Variants in VPS35L observed in about 807,000 individuals in gnomAD.
VPS35L encodes the protein VPS35 endosomal protein-sorting factor-like.
A neutral mutation model predicts 133.0 loss-of-function variants in VPS35L; 83 were observed. That is an observed-to-expected ratio of 0.62 (90% CI 0.52 to 0.75). VPS35L has a LOEUF of 0.75. VPS35L is among the 30% of genes least tolerant of loss of function. VPS35L has a pLI of 0.00. For missense variants in VPS35L, 1,083 were observed against 1,206.8 expected (o/e 0.90, Z 1.52); for synonymous variants, 423 against 449.9 (o/e 0.94, Z 0.76).
rs35875567 is a variant in VPS35L, at chr16:19,591,552, C to CAA, written c.640-227_640-226dup. 1.2e-3 allele frequency among the ~76,000 whole-genome samples: 153 copies of CAA among 124,576 alleles called. No individual in the cohort carries two copies. In the Middle Eastern group the frequency reaches 0.017, roughly 14 times the overall value. 81.7% of individuals were successfully genotyped at this position (124,576 alleles called of 152,430 possible). ...GCAACATAGCGAGACCCCATCTCTA[C>CAA]AAAAAAAAAAAAGGAAGGGAAAACA... On this transcript the variant is annotated intron_variant, in intron 7 of 30. Coordinates refer to ENST00000417362, the MANE Select transcript of VPS35L (RefSeq NM_020314.7).
At position 19,619,065 on chromosome 16, in the gene VPS35L, G is replaced by A. The variant is rs139062522; in HGVS notation, c.1224+2257G>A. On this transcript the variant is annotated intron_variant, in intron 14 of 30. Transcript: ENST00000417362. ...CATGCCTCAACCTCATGAGTAGCTG[G>A]GACTACAGGCATGCATCACCACACT... Among the ~76,000 whole-genome samples the A allele has an allele frequency of 3.4e-4, 51 of 151,832 alleles. No individual in the cohort carries two copies. The East Asian group carries it at 8.8e-3, about 26-fold the overall frequency.
chr16:19,645,606 C>T (rs967934413), intron 23 of VPS35L, among the ~76,000 whole-genome samples: 1 of 152,092 alleles, frequency 6.6e-6, no homozygotes. Context: ...TGTCTTTAGC[C>T]CTGGGCTCTG....
chr16:19,649,326 T>C (rs1405789840), intron 24 of VPS35L, among the ~76,000 whole-genome samples: 1 of 152,202 alleles, frequency 6.6e-6, no homozygotes, highest in Non-Finnish European at 1.5e-5. Flanking sequence ...ATGATGGGTG[T>C]GTACTTATGA....
intron 14 of VPS35L, among the ~76,000 whole-genome samples, chr16:19,623,805 ATTATTATTATTG>A (rs1354134856): frequency 0.056 from 4,493 of 80,834 alleles, 119 homozygotes; most frequent in African/African-American, 0.099. Flanking sequence ...TATTATTATT[ATTATTATTATTG>A]TTTTAAGACA....
chr16:19,603,378 A>G (rs1272567805), intron 9 of VPS35L, among the ~76,000 whole-genome samples: 2 of 152,240 alleles, frequency 1.3e-5, no homozygotes, highest in Non-Finnish European at 2.9e-5. Flanking sequence ...ACTATTAAAA[A>G]AGACACCGGA....
rs957901015 is a variant in VPS35L, at chr16:19,699,949, T to C, written c.2793+301T>C. ...CAGGTCTCTACAAAAAATAAAAAAT[T>C]AGCCGGCCATGGTGGTGCACATGTG... On this transcript the variant is annotated intron_variant, in intron 30 of 30. Transcript: ENST00000417362. This position sits in a 1 kb window ranked among gnomAD's most constrained non-coding sequence, Gnocchi z 4.2. 3.9e-5 allele frequency among the ~76,000 whole-genome samples: 6 copies of C among 152,006 alleles called. No individual in the cohort carries two copies. Among genetic ancestry groups the C allele is most frequent in the Non-Finnish European group, 7.4e-5 (5 of 68,000 alleles).
intron 1 of VPS35L, among the ~76,000 whole-genome samples, chr16:19,561,803 T>A (rs1898676): frequency 0.16 from 23,746 of 152,054 alleles, 2,702 homozygotes; most frequent in East Asian, 0.37. Flanking sequence ...TGCACATGTC[T>A]TTTGTTAAAG....
Position 19,643,304 on chromosome 16 carries a change from A to G in VPS35L, c.1865+828A>G, listed in dbSNP as rs188722463. ...AGAAAGGCACTTAGATTCGTGAGAC[A>G]TTGGGTTTTGGCTTAAGTAAAATAG... On this transcript the variant is annotated intron_variant, in intron 22 of 30. Transcript: ENST00000417362. Among the ~76,000 whole-genome samples the G allele has an allele frequency of 2.4e-3, 372 of 152,328 alleles. 1 individual carries two copies. Among genetic ancestry groups the G allele is most frequent in the Non-Finnish European group, 4.0e-3 (271 of 68,028 alleles).
At chr16:19,665,031 T>A (rs982631280) in intron 26 of VPS35L, among the ~76,000 whole-genome samples, 4 of 152,156 alleles carry the variant, frequency 2.6e-5, no homozygotes, top group African/African-American at 9.7e-5. Context: ...ATTTTTTCCT[T>A]TTCTAAAAAA....
intron 26 of VPS35L, among the ~76,000 whole-genome samples, chr16:19,658,484 C>T (rs910814051): frequency 3.3e-5 from 5 of 152,192 alleles, no homozygotes; most frequent in South Asian, 4.2e-4. Context: ...GAGCCAAGAT[C>T]GCACCACTGT....
chr16:19,656,870 C>A (rs1041125763), intron 26 of VPS35L, among the ~76,000 whole-genome samples: 1 of 149,568 alleles, frequency 6.7e-6, no homozygotes, highest in Admixed American at 6.7e-5. Context: ...TGTTTTGAGA[C>A]AAACTGATGA....
chr16:19,652,148 A>G, intron 26 of VPS35L, 58 bp downstream of exon 26: 1 of 1,202,420 alleles, frequency 8.3e-7, no homozygotes, highest in Non-Finnish European at 1.2e-6. Flanking sequence ...AAACTGACTC[A>G]GGTGTGTGCG....
At chr16:19,581,494 T>C in intron 6 of VPS35L, 31 bp from the exon 7 acceptor site, 1 of 1,526,860 alleles carries the variant, frequency 6.5e-7, no homozygotes, top group Non-Finnish European at 8.8e-7. Flanking sequence ...TTTTTCCTGC[T>C]ATGCCTTCAC....
intron 8 of VPS35L, among the ~76,000 whole-genome samples, chr16:19,597,094 C>T (rs1399281010): frequency 6.6e-6 from 1 of 151,934 alleles, no homozygotes; most frequent in Non-Finnish European, 1.5e-5. Context: ...GGCATGGTGA[C>T]TCACACCTGT....
chr16:19,616,994 A>G, intron 14 of VPS35L, 186 bp downstream of exon 14: 1 of 846,074 alleles, frequency 1.2e-6, no homozygotes, highest in South Asian at 1.5e-5. Flanking sequence ...AGATAGTCTC[A>G]TTTTGACAGC....
At position 19,564,809 on chromosome 16, in the gene VPS35L, GTACC is replaced by G. The variant is rs369566134; in HGVS notation, c.18-41_18-38del. 1.6e-4 allele frequency: 230 copies of G among 1,405,470 alleles called. No individual in the cohort carries two copies. In the African/African-American group the frequency reaches 2.7e-3, roughly 17 times the overall value. The allele number at this position is 1,405,470 out of a possible 1,614,324, so 87.1% of individuals were successfully genotyped here. On this transcript the variant is annotated intron_variant, in intron 1 of 30. Coordinates refer to ENST00000417362, the MANE Select transcript of VPS35L (RefSeq NM_020314.7). ...TCATCAGAAGTTTTTAGTGTTTTAA[GTACC>G]CCCATCCACTAATTGGCTGTGTTTC...
chr16:19,626,693 C>G (rs1397098274), intron 15 of VPS35L, among the ~76,000 whole-genome samples: 2 of 151,634 alleles, frequency 1.3e-5, no homozygotes, highest in African/African-American at 4.8e-5. Context: ...ACCCGGGAGG[C>G]AGAGGTTTCA....
chr16:19,569,733 GT>G, intron 3 of VPS35L, 142 bp downstream of exon 3: 1 of 882,028 alleles, frequency 1.1e-6, no homozygotes, highest in Non-Finnish European at 1.6e-6. Flanking sequence ...CAGTGGTGTG[GT>G]CATGGCTCAC....
chr16:19,670,750 C>A (rs1305480311), intron 27 of VPS35L, among the ~76,000 whole-genome samples: 2 of 152,148 alleles, frequency 1.3e-5, no homozygotes, highest in Non-Finnish European at 2.9e-5. Context: ...CCCTCCCTAG[C>A]AAGGGTCCTT....
Sources: gnomAD v4.1 joint callset for allele counts (sites outside exome capture counted in the v4.1 genomes callset) on GRCh38, gnomAD v4.1.1 for gene constraint, Gnocchi (gnomAD v3.1) non-coding constraint, MANE v1.5 for transcripts, NCBI Gene and HGNC (gene_info 2026-07-23, HGNC 2026-07-21) for gene names.